Variants in SLC25A39 observed in about 807,000 individuals in gnomAD.
SLC25A39 encodes solute carrier family 25 member 39.
In SLC25A39, 44 loss-of-function variants were observed where a neutral mutation model predicts 46.6. The observed-to-expected ratio is 0.94, with a 90% CI of 0.74 to 1.21. The LOEUF is 1.21. Among genes scored for constraint, SLC25A39 ranks in the 50% most tolerant of loss-of-function variants. The pLI is 0.00. For synonymous variants in SLC25A39, 218 were observed against 190.6 expected, an observed-to-expected ratio of 1.14 and a Z score of -1.19; for missense variants, 487 against 473.0, an observed-to-expected ratio of 1.03 and a Z score of -0.28.
At chr17:44,323,170 A>C (rs1598348201) in intron 3 of SLC25A39, 114 bp downstream of exon 3, 1 of 1,294,092 alleles carries the variant, frequency 7.7e-7, no homozygotes. Context: ...TGATCCACCC[A>C]CCTCAGCCTC....
intron 5 of SLC25A39, 93 bp downstream of exon 5, chr17:44,322,326 T>C: frequency 6.8e-7 from 1 of 1,464,400 alleles, no homozygotes; most frequent in Admixed American, 1.8e-5. Context: ...TCTGCGTGCC[T>C]TGCCCAATCC....
At chr17:44,322,342 C>T (rs1233091809) in intron 5 of SLC25A39, 77 bp downstream of exon 5, 1 of 1,564,030 alleles carries the variant, frequency 6.4e-7, no homozygotes, top group Non-Finnish European at 8.8e-7. Context: ...AATCCCTTTA[C>T]TCCTGGGTCT....
In SLC25A39 at chr17:44,321,249, G is replaced by A. The variant is rs563871517; in HGVS notation, c.518-18C>T. On this transcript the variant is annotated intron_variant, in intron 7 of 11. Transcript: ENST00000377095. The stretch of plus-strand genomic sequence containing the variant: ...GGTGCCCACTGTGTGGGGATTGGGG[G>A]TGACAATGGGGAGAAGTGAGATCAC... The A allele has an allele frequency of 1.3e-6, 2 of 1,596,106 alleles. No individual in the cohort carries two copies. Among genetic ancestry groups the A allele is most frequent in the South Asian group, 1.1e-5 (1 of 88,190 alleles).
chr17:44,324,730 C>CGTGCG lies in SLC25A39; in HGVS notation c.-40_-36dup, dbSNP rs1200249835. The CGTGCG allele has an allele frequency of 2.0e-5, 3 of 152,178 alleles. No individual in the cohort carries two copies. The highest frequency in any genetic ancestry group is 4.4e-5 in the Non-Finnish European group (3 of 68,046). 9.4% of individuals were successfully genotyped at this position (152,178 alleles called of 1,614,324 possible). ...GCCTACCTGGCTCTAGGCTGGTGCTCGTGCGGCGCGGCGCCCAGGGTCAGG... is the reference window on the plus strand; with the variant it reads ...GCCTACCTGGCTCTAGGCTGGTGCTCGTGCGGTGCGGCGCGGCGCCCAGGGTCAGG... On this transcript the variant is annotated 5_prime_UTR_variant, in exon 1 of 12. The change abolishes the stop of an existing upstream ORF in the 5' untranslated region. Coordinates refer to ENST00000377095, the MANE Select transcript of SLC25A39 (RefSeq NM_001143780.3).
chr17:44,323,337 G>T lies in SLC25A39; in HGVS notation c.92C>A (p.Pro31His). Residue 31 changes from proline to histidine, a missense_variant, in exon 3 of 12, where the codon CCC becomes CAC. Pro to His is a moderately conservative substitution (Grantham distance 77). Coordinates refer to ENST00000377095, the MANE Select transcript of SLC25A39 (RefSeq NM_001143780.3). ...CAGGCGAACCTTCACCACGTCCAGGGGTGTCACTGGGGGAGGAAGCGGGTC... is the reference window on the plus strand; with the variant it reads ...CAGGCGAACCTTCACCACGTCCAGGTGTGTCACTGGGGGAGGAAGCGGGTC... Reference protein sequence around the residue: ...GAVVTSLFMTPLDVVKVRLQS... With the variant: ...GAVVTSLFMTHLDVVKVRLQS... 1.2e-6 allele frequency: 2 copies of T among 1,611,396 alleles called. No individual in the cohort carries two copies. The highest frequency in any genetic ancestry group is 2.2e-5 in the East Asian group (1 of 44,856).
chr17:44,323,795 C>T (rs1042352506), intron 1 of SLC25A39: 2 of 555,790 alleles, frequency 3.6e-6, no homozygotes, highest in Non-Finnish European at 6.4e-6. Flanking sequence ...GCGCGCACCA[C>T]CACGCCTAGT....
rs990482664 is a variant in SLC25A39 at position 44,319,980 on chromosome 17, G to A, written c.*21C>T. 1 of 1,611,380 alleles carries A rather than the reference G, an allele frequency of 6.2e-7. No individual in the cohort carries two copies. Among genetic ancestry groups the A allele is most frequent in the Admixed American group, 1.7e-5 (1 of 59,998 alleles). ...TCTCCCCATCCGTGGGAGAGACGGG[G>A]TCCTTGCCTCCTTGCCCCTTTCAGC... On this transcript the variant is annotated 3_prime_UTR_variant, in exon 12 of 12. Coordinates refer to ENST00000377095, the MANE Select transcript of SLC25A39 (RefSeq NM_001143780.3).
intron 8 of SLC25A39, 64 bp downstream of exon 8, chr17:44,320,994 C>T: frequency 1.3e-6 from 2 of 1,502,576 alleles, no homozygotes; most frequent in South Asian, 2.7e-5. Context: ...TGGGACTTGG[C>T]TGTAGACCCT....
Position 44,319,901 on chromosome 17 carries a change from A to G in SLC25A39, c.*100T>C. The stretch of plus-strand genomic sequence containing the variant: ...TTGTCGCCGGGAGGGAAGGGAAACA[A>G]GCCCCCTCCCTCAGTGCTGAGGAAA... On this transcript the variant is annotated 3_prime_UTR_variant, in exon 12 of 12. Transcript: ENST00000377095. The G allele has an allele frequency of 1.7e-6, 2 of 1,153,922 alleles. No homozygotes were observed. Among genetic ancestry groups the G allele is most frequent in the South Asian group, 2.7e-5 (2 of 74,682 alleles). The allele number at this position is 1,153,922 out of a possible 1,614,324, so 71.5% of individuals were successfully genotyped here. A position where few individuals can be genotyped will look rare whatever the true frequency, so the allele number is the denominator to read the frequency against.
Position 44,321,131 on chromosome 17 carries a change from T to C in SLC25A39, c.618A>G (p.Ala206=), listed in dbSNP as rs558109206. Residue 206 remains alanine (A), a synonymous_variant, in exon 8 of 12, where the codon GCA becomes GCG. Transcript: ENST00000377095. ...GTGAGCGCCAGCCACCCTGAGCCAC[T>C]GCAGTTCGAACACAGGCACCCAGCT... The part of the protein sequence containing the change: ...YRELGACVRT[A]VAQGGWRSLW... 5.6e-6 allele frequency: 9 copies of C among 1,612,964 alleles called. No individual in the cohort carries two copies. In the East Asian group the frequency reaches 1.6e-4, roughly 28 times the overall value.
At position 44,321,110 on chromosome 17, in the gene SLC25A39, G is replaced by A; in HGVS notation, c.639C>T (p.Arg213=). 1 of 1,612,318 alleles carries A rather than the reference G, an allele frequency of 6.2e-7. No individual in the cohort carries two copies. The highest frequency in any genetic ancestry group is 8.5e-7 in the Non-Finnish European group (1 of 1,179,700). Residue 213 remains arginine, a synonymous_variant, in exon 8 of 12, where the codon CGC becomes CGT. Coordinates refer to ENST00000377095, the MANE Select transcript of SLC25A39 (RefSeq NM_001143780.3). ...VRTAVAQGGW[R]SLWLGWGPTA... is the part of the protein sequence containing the mutation. Reference sequence around the variant, plus strand: ...TGGGGCCCCAGCCCAGCCACAGTGAGCGCCAGCCACCCTGAGCCACTGCAG... The same window carrying A: ...TGGGGCCCCAGCCCAGCCACAGTGAACGCCAGCCACCCTGAGCCACTGCAG...
chr17:44,323,543 G>C lies in SLC25A39; in HGVS notation c.20C>G (p.Ala7Gly), dbSNP rs755329106. 1.9e-6 allele frequency: 3 copies of C among 1,571,856 alleles called. No individual in the cohort carries two copies. Among genetic ancestry groups the C allele is most frequent in the Non-Finnish European group, 2.6e-6 (3 of 1,159,456 alleles). The change falls in exon 2 of 12, where the codon GCG (alanine) becomes GGG (glycine). Residue 7 changes from alanine to glycine, a missense_variant. Transcript: ENST00000377095. Reference sequence around the variant, plus strand: ...CATTTGCTGGAGGGGGCTGATGCCCGCAGGGTCCTGGTCAGCCATCTTGAA... The same window carrying C: ...CATTTGCTGGAGGGGGCTGATGCCCCCAGGGTCCTGGTCAGCCATCTTGAA... MADQDP[A>G]GISPLQQMVA...
Position 44,320,602 on chromosome 17 carries a change from C to T in SLC25A39, c.801+20G>A, listed in dbSNP as rs2143091074. ...GCAGGGAGACCTCCGCTGGCCTCACCTCCAGCCCAGTCCACTCACCGTCCC... is the reference window on the plus strand; with the variant it reads ...GCAGGGAGACCTCCGCTGGCCTCACTTCCAGCCCAGTCCACTCACCGTCCC... On this transcript the variant is annotated intron_variant, in intron 9 of 11. Transcript: ENST00000377095. 1.2e-6 allele frequency: 2 copies of T among 1,607,588 alleles called. No homozygotes were observed. Among genetic ancestry groups the T allele is most frequent in the East Asian group, 2.2e-5 (1 of 44,854 alleles).
rs1049027283 is a variant in SLC25A39, at chr17:44,319,878, G to A, written c.*123C>T. 8 of 883,310 alleles carry A rather than the reference G, an allele frequency of 9.1e-6. No individual in the cohort carries two copies. In the African/African-American group the frequency reaches 1.3e-4, roughly 15 times the overall value. The allele number at this position is 883,310 out of a possible 1,614,324, so 54.7% of individuals were successfully genotyped here. Reference sequence around the variant, plus strand: ...GAGGGACAGCCCTGCCCTGGAGCTTGTCGCCGGGAGGGAAGGGAAACAAGC... The same window carrying A: ...GAGGGACAGCCCTGCCCTGGAGCTTATCGCCGGGAGGGAAGGGAAACAAGC... On this transcript the variant is annotated 3_prime_UTR_variant, in exon 12 of 12. Coordinates refer to ENST00000377095, the MANE Select transcript of SLC25A39 (RefSeq NM_001143780.3).
At chr17:44,322,147 G>A (rs1256038438) in intron 5 of SLC25A39, among the ~76,000 whole-genome samples, 3 of 152,156 alleles carry the variant, frequency 2.0e-5, no homozygotes, top group Non-Finnish European at 2.9e-5. Context: ...TACTTCGGAG[G>A]CTGAGACAGG....
chr17:44,322,075 CCT>C (rs1342542076), intron 5 of SLC25A39, among the ~76,000 whole-genome samples: 2 of 152,168 alleles, frequency 1.3e-5, no homozygotes, highest in Non-Finnish European at 2.9e-5. Context: ...ACGGCAAAAC[CCT>C]GTCTCTACTA....
intron 5 of SLC25A39, 126 bp from the exon 6 acceptor site, chr17:44,321,893 C>G: frequency 1.1e-6 from 1 of 921,324 alleles, no homozygotes; most frequent in Non-Finnish European, 1.6e-6. Flanking sequence ...GGCCTCCCTG[C>G]CTCTACACAT....
rs1598350280 is a variant in SLC25A39, at chr17:44,323,779, CT to C, written c.-15-203del. 8.6e-6 allele frequency: 5 copies of C among 581,942 alleles called. No individual in the cohort carries two copies. In the East Asian group the frequency reaches 1.4e-4, roughly 17 times the overall value. 36.0% of individuals were successfully genotyped at this position (581,942 alleles called of 1,614,324 possible). ...GCTTCAGCCTCCCAAGTAGCTGGGA[CT>C]ACAGGCGCGCACCACCACGCCTAGT... is the stretch of plus-strand genomic sequence containing the variant. On this transcript the variant is annotated intron_variant, in intron 1 of 11. Coordinates refer to ENST00000377095, the MANE Select transcript of SLC25A39 (RefSeq NM_001143780.3).
chr17:44,322,988 T>C (rs1213703395), intron 3 of SLC25A39, 136 bp from the exon 4 acceptor site: 43 of 984,802 alleles, frequency 4.4e-5, no homozygotes, highest in Non-Finnish European at 5.2e-5. Context: ...AGTGGCACAA[T>C]CTCAGCTCAC....
Sources: allele counts gnomAD v4.1 joint callset (sites outside exome capture counted in the v4.1 genomes callset), GRCh38; gene constraint gnomAD v4.1.1; transcripts MANE v1.5; gene names NCBI Gene and HGNC (gene_info 2026-07-23, HGNC 2026-07-21).